Variants in AGBL4 observed in about 807,000 individuals in gnomAD.
AGBL4 encodes AGBL carboxypeptidase 4.
AGBL4 carries 58 observed loss-of-function variants against 66.4 expected under a neutral mutation model. The ratio of observed to expected loss-of-function variants is 0.87; its 90% confidence interval spans 0.71 to 1.09. The LOEUF (loss-of-function observed/expected upper bound fraction) is 1.09, where lower values mean the gene tolerates loss of function less well. Ranked by LOEUF, AGBL4 falls within the 50% of genes least tolerant of loss-of-function variation. AGBL4 has a pLI of 0.00. For synonymous variants in AGBL4, 234 were observed against 222.9 expected (o/e 1.05, Z -0.44); for missense variants, 579 against 631.0 (o/e 0.92, Z 0.88).
intron 5 of AGBL4, among the ~76,000 whole-genome samples, chr1:49,009,646 C>T (rs1287064597): frequency 2.6e-5 from 4 of 150,988 alleles, no homozygotes; most frequent in Non-Finnish European, 4.4e-5. Flanking sequence ...ACTGGCAAAA[C>T]GAATCCAGCA....
In AGBL4 at chr1:48,731,342, C is replaced by T. The variant is rs74927992; in HGVS notation, c.635-68101G>A. On this transcript the variant is annotated intron_variant, in intron 6 of 13. Transcript: ENST00000371839. ...CTGGTGACAGCAGGTAGCCTGAAAG[C>T]CCAGTTCAGCTTGGCTGTCTCTAAT... 1.6e-3 allele frequency among the ~76,000 whole-genome samples: 245 copies of T among 152,284 alleles called. 6 individuals carry two copies. The East Asian group carries it at 0.025, about 16-fold the overall frequency.
In AGBL4 at chr1:48,871,353, T is replaced by TG. The variant is rs1553247482; in HGVS notation, c.595-4124_595-4123insC. On this transcript the variant is annotated intron_variant, in intron 5 of 13. Coordinates refer to ENST00000371839, the MANE Select transcript of AGBL4 (RefSeq NM_032785.4). ...AGAGCCTTCACATGTGTAGTAGTGG[T>TG]TGTGTGTGTGTGTGTGTGTGTGTGT... Among the ~76,000 whole-genome samples, 114 of 141,092 alleles carry TG rather than the reference T, an allele frequency of 8.1e-4. 1 individual carries two copies. Among genetic ancestry groups the TG allele is most frequent in the Admixed American group, 6.6e-3 (94 of 14,326 alleles). 92.6% of individuals were successfully genotyped at this position (141,092 alleles called of 152,430 possible).
intron 4 of AGBL4, among the ~76,000 whole-genome samples, chr1:49,123,002 C>T (rs986264787): frequency 7.2e-5 from 11 of 151,946 alleles, no homozygotes; most frequent in South Asian, 4.2e-4. Flanking sequence ...TATAGGCACC[C>T]GCAACCATGC....
chr1:49,203,931 G>A (rs745602237), intron 4 of AGBL4, among the ~76,000 whole-genome samples: 6 of 152,196 alleles, frequency 3.9e-5, no homozygotes, highest in Non-Finnish European at 7.3e-5. Flanking sequence ...GTAAATTTAT[G>A]TGCTTTTTGT....
intron 1 of AGBL4, among the ~76,000 whole-genome samples, chr1:49,992,028 G>T (rs1340452522): frequency 6.6e-6 from 1 of 152,154 alleles, no homozygotes; most frequent in African/African-American, 2.4e-5. Context: ...TATACATGTT[G>T]ATAAAGCCAC....
chr1:48,554,946 TTGAG>T (rs1644299402), intron 11 of AGBL4, among the ~76,000 whole-genome samples: 1 of 152,208 alleles, frequency 6.6e-6, no homozygotes, highest in Non-Finnish European at 1.5e-5. Context: ...TCAATATTTA[TTGAG>T]TATCTGCTGT....
chr1:48,944,737 T>C (rs1656316709), intron 5 of AGBL4, among the ~76,000 whole-genome samples: 1 of 152,164 alleles, frequency 6.6e-6, no homozygotes, highest in Non-Finnish European at 1.5e-5. Flanking sequence ...CCTTCCCCTT[T>C]CTTCTTGATC....
At chr1:48,976,278 T>C (rs542387305) in intron 5 of AGBL4, among the ~76,000 whole-genome samples, 5 of 152,272 alleles carry the variant, frequency 3.3e-5, no homozygotes, top group African/African-American at 1.2e-4. Context: ...AAGTTCTGGC[T>C]TGATGGATCA....
chr1:49,099,652 C>G (rs1645165719), intron 4 of AGBL4, among the ~76,000 whole-genome samples: 1 of 152,094 alleles, frequency 6.6e-6, no homozygotes, highest in South Asian at 2.1e-4. Context: ...TCAGTCCATA[C>G]TATAATTTAT....
intron 6 of AGBL4, among the ~76,000 whole-genome samples, chr1:48,838,350 C>G (rs1646729500): frequency 6.6e-6 from 1 of 152,012 alleles, no homozygotes; most frequent in Non-Finnish European, 1.5e-5. Context: ...ACATATAGAC[C>G]AGTAGAACAG....
chr1:49,628,164 A>G (rs769691476), intron 3 of AGBL4, among the ~76,000 whole-genome samples: 2 of 152,122 alleles, frequency 1.3e-5, no homozygotes, highest in Non-Finnish European at 2.9e-5. Flanking sequence ...TGAATGGTAT[A>G]TTCTTGGTCT....
intron 3 of AGBL4, among the ~76,000 whole-genome samples, chr1:49,281,089 A>T (rs1644263170): frequency 6.6e-6 from 1 of 152,214 alleles, no homozygotes; most frequent in African/African-American, 2.4e-5. Context: ...AATAAGTATT[A>T]CAGGCAGACA....
chr1:48,930,069 G>A (rs756500257), intron 5 of AGBL4, among the ~76,000 whole-genome samples: 2 of 152,040 alleles, frequency 1.3e-5, no homozygotes, highest in African/African-American at 4.8e-5. Flanking sequence ...TCTCTGTCTG[G>A]TCTTTCTGGA....
intron 3 of AGBL4, among the ~76,000 whole-genome samples, chr1:49,603,532 AAAT>A (rs1558093127): frequency 6.6e-5 from 2 of 30,492 alleles, no homozygotes; most frequent in South Asian, 1.8e-3. Context: ...CTCAAAAAAT[AAAT>A]AAATAAATAA....
At chr1:48,815,518 A>G (rs1646152217) in intron 6 of AGBL4, among the ~76,000 whole-genome samples, 1 of 152,140 alleles carries the variant, frequency 6.6e-6, no homozygotes, top group South Asian at 2.1e-4. Context: ...AGCTTTCAAC[A>G]AGTGACTTCA....
rs1647774315 is a variant in AGBL4, at chr1:48,729,626, A to C, written c.635-66385T>G. ...AAGCCCAGGCCTGGAGAAAGGGAGT[A>C]GGTATGGGGCAGAATCCACTGCTAC... is the stretch of plus-strand genomic sequence containing the variant. On this transcript the variant is annotated intron_variant, in intron 6 of 13. Coordinates refer to ENST00000371839, the MANE Select transcript of AGBL4 (RefSeq NM_032785.4). Among the ~76,000 whole-genome samples the C allele has an allele frequency of 2.6e-5, 4 of 152,250 alleles. No individual in the cohort carries two copies. The South Asian group carries it at 8.3e-4, about 32-fold the overall frequency.
chr1:49,915,808 G>A (rs1159600434), intron 1 of AGBL4, among the ~76,000 whole-genome samples: 2 of 152,138 alleles, frequency 1.3e-5, no homozygotes, highest in Non-Finnish European at 2.9e-5. Flanking sequence ...CCCTGACCCT[G>A]AGGAGCCTAA....
intron 4 of AGBL4, among the ~76,000 whole-genome samples, chr1:49,175,953 A>G (rs1037144911): frequency 1.3e-5 from 2 of 152,192 alleles, no homozygotes; most frequent in African/African-American, 4.8e-5. Flanking sequence ...TAAATCACTT[A>G]GACAAGAATC....
At chr1:49,870,297 C>T (rs1008538310) in intron 1 of AGBL4, among the ~76,000 whole-genome samples, 6 of 152,016 alleles carry the variant, frequency 3.9e-5, no homozygotes, top group African/African-American at 1.4e-4. Context: ...AATTGACACA[C>T]ACTGTTAGTG....
Sources: gnomAD v4.1 joint callset for allele counts (sites outside exome capture counted in the v4.1 genomes callset) on GRCh38, gnomAD v4.1.1 for gene constraint, MANE v1.5 for transcripts, NCBI Gene and HGNC (gene_info 2026-07-23, HGNC 2026-07-21) for gene names.